ARHGAP10: variants seen among roughly 807,000 people sequenced by gnomAD.
ARHGAP10 encodes the protein rho GTPase-activating protein 10.
Under a neutral mutation model 108.6 loss-of-function variants are expected in ARHGAP10, and 87 were observed. The observed-to-expected ratio is 0.80, with a 90% CI of 0.67 to 0.96. ARHGAP10 has a LOEUF of 0.96. Among genes scored for constraint, ARHGAP10 ranks in the 40% least tolerant of loss-of-function variants. The pLI is 0.00. For missense variants in ARHGAP10, 939 were observed against 954.5 expected, an observed-to-expected ratio of 0.98 and a Z score of 0.21; for synonymous variants, 347 against 341.1, an observed-to-expected ratio of 1.02 and a Z score of -0.19.
intron 10 of ARHGAP10, among the ~76,000 whole-genome samples, chr4:147,899,308 GGTGTGTGTGTGTGTGCATGC>G (rs908143874): frequency 1.5e-4 from 22 of 150,796 alleles, no homozygotes; most frequent in Non-Finnish European, 2.7e-4. Context: ...AAGCAGCTGG[GGTGTGTGTGTGTGTGCATGC>G]GTGTGTGTGT....
chr4:148,001,984 CTT>C (rs1740741042), intron 18 of ARHGAP10, among the ~76,000 whole-genome samples: 1 of 152,156 alleles, frequency 6.6e-6, no homozygotes, highest in Non-Finnish European at 1.5e-5. Flanking sequence ...GCATCCCTGT[CTT>C]GTGCCAGTTT....
At chr4:147,991,040 A>G (rs1485463390) in intron 18 of ARHGAP10, among the ~76,000 whole-genome samples, 1 of 151,416 alleles carries the variant, frequency 6.6e-6, no homozygotes, top group Non-Finnish European at 1.5e-5. Context: ...AAAACTACCT[A>G]TTGTTTACTA....
At chr4:147,890,751 C>T (rs771830416) in intron 10 of ARHGAP10, among the ~76,000 whole-genome samples, 5 of 151,438 alleles carry the variant, frequency 3.3e-5, no homozygotes, top group Admixed American at 1.3e-4. Context: ...CACTTGAACC[C>T]GGGAGACGGA....
intron 18 of ARHGAP10, among the ~76,000 whole-genome samples, chr4:147,978,628 A>G (rs1445540308): frequency 6.6e-6 from 1 of 152,060 alleles, no homozygotes; most frequent in Non-Finnish European, 1.5e-5. Context: ...GCCTTCCACC[A>G]TGATTGTAAT....
intron 1 of ARHGAP10, among the ~76,000 whole-genome samples, chr4:147,817,217 G>C (rs186139555): frequency 6.6e-6 from 1 of 152,034 alleles, no homozygotes; most frequent in Non-Finnish European, 1.5e-5. Context: ...TAGTGCTTTC[G>C]TTGCTGGGGT....
chr4:147,964,980 C>A (rs1413177794), intron 16 of ARHGAP10, 44 bp from the exon 17 acceptor site: 1 of 1,366,728 alleles, frequency 7.3e-7, no homozygotes, highest in East Asian at 2.6e-5. Flanking sequence ...CTATTGTTTT[C>A]TTTTTCTTTA....
intron 1 of ARHGAP10, among the ~76,000 whole-genome samples, chr4:147,765,208 A>G (rs1176522093): frequency 1.3e-5 from 2 of 152,072 alleles, no homozygotes; most frequent in East Asian, 3.8e-4. Context: ...GTCATTTAAG[A>G]TCTATTTAGC....
intron 12 of ARHGAP10, among the ~76,000 whole-genome samples, chr4:147,912,592 T>G (rs1736800146): frequency 8.2e-6 from 1 of 121,924 alleles, no homozygotes; most frequent in Non-Finnish European, 1.7e-5. Flanking sequence ...TATATATATA[T>G]ATATATAAAA....
At chr4:147,771,510 A>G (rs1007802878) in intron 1 of ARHGAP10, among the ~76,000 whole-genome samples, 7 of 145,356 alleles carry the variant, frequency 4.8e-5, no homozygotes, top group African/African-American at 1.2e-4. Flanking sequence ...ATTTTTGACT[A>G]TAGTCACCCT....
intron 19 of ARHGAP10, among the ~76,000 whole-genome samples, chr4:148,042,080 G>T (rs1200351779): frequency 6.6e-6 from 1 of 152,028 alleles, no homozygotes; most frequent in Non-Finnish European, 1.5e-5. Flanking sequence ...ATTTTTTATT[G>T]ACACCCCAAA....
At chr4:147,860,169 G>A (rs754840666) in intron 5 of ARHGAP10, among the ~76,000 whole-genome samples, 1 of 152,192 alleles carries the variant, frequency 6.6e-6, no homozygotes, top group South Asian at 2.1e-4. Context: ...AAGGCCGGGC[G>A]TGGTGGCTCA....
intron 1 of ARHGAP10, among the ~76,000 whole-genome samples, chr4:147,776,365 A>G (rs184960125): frequency 1.4e-3 from 215 of 152,214 alleles, no homozygotes; most frequent in Admixed American, 4.0e-3. Flanking sequence ...AATTACAGGA[A>G]CGCGTCACCA....
rs1307289014 is a variant in ARHGAP10 at position 147,890,836 on chromosome 4, A to C, written c.1034+8904A>C. Among the ~76,000 whole-genome samples the C allele has an allele frequency of 9.9e-5, 15 of 152,018 alleles. No homozygotes were observed. In the East Asian group the frequency reaches 2.7e-3, roughly 27 times the overall value. On this transcript the variant is annotated intron_variant, in intron 10 of 22. Coordinates refer to ENST00000336498, the MANE Select transcript of ARHGAP10 (RefSeq NM_024605.4). ...AGCGAGACTCCATCACAAAAAAAAC[A>C]ACAAAAAAAACCACAAGTGGCCAAT...
At chr4:147,963,783 C>T (rs1484874592) in intron 16 of ARHGAP10, among the ~76,000 whole-genome samples, 1 of 152,220 alleles carries the variant, frequency 6.6e-6, no homozygotes, top group Non-Finnish European at 1.5e-5. Context: ...CCACTCACAG[C>T]TTCTGGTGGT....
At chr4:147,798,465 C>T (rs1333084352) in intron 1 of ARHGAP10, among the ~76,000 whole-genome samples, 3 of 152,022 alleles carry the variant, frequency 2.0e-5, no homozygotes, top group African/African-American at 7.3e-5. Flanking sequence ...AATCCCTGCA[C>T]TTTGGGCAGC....
intron 18 of ARHGAP10, among the ~76,000 whole-genome samples, chr4:148,022,375 C>T (rs1207530266): frequency 2.0e-5 from 3 of 152,184 alleles, no homozygotes; most frequent in East Asian, 1.9e-4. Context: ...ACCTGAGGAA[C>T]GTCAGCCCTT....
chr4:147,947,253 AAAG>A lies in ARHGAP10; in HGVS notation c.1391+552_1391+554del, dbSNP rs1336854708. Among the ~76,000 whole-genome samples, 6 of 150,450 alleles carry A rather than the reference AAAG, an allele frequency of 4.0e-5. No homozygotes were observed. In the East Asian group the frequency reaches 9.6e-4, roughly 24 times the overall value. On this transcript the variant is annotated intron_variant, in intron 15 of 22. Coordinates refer to ENST00000336498, the MANE Select transcript of ARHGAP10 (RefSeq NM_024605.4). The stretch of plus-strand genomic sequence containing the variant: ...TTTTTTTTTTTTTTTTTTTTAAAGA[AAAG>A]AACTTAATGATAAGCTCAGGGTTAG...
At chr4:148,063,332 G>A in intron 21 of ARHGAP10, 32 bp downstream of exon 21, 1 of 1,603,214 alleles carries the variant, frequency 6.2e-7, no homozygotes, top group Non-Finnish European at 8.5e-7. Context: ...GTGGAATATG[G>A]TGGCAGCACA....
At chr4:147,968,593 G>A (rs936145013) in intron 18 of ARHGAP10, among the ~76,000 whole-genome samples, 1 of 152,106 alleles carries the variant, frequency 6.6e-6, no homozygotes, top group African/African-American at 2.4e-5. Context: ...TAAGTGACTT[G>A]CTTTCTTACT....
Sources: gnomAD v4.1 joint callset for allele counts (sites outside exome capture counted in the v4.1 genomes callset) on GRCh38, gnomAD v4.1.1 for gene constraint, MANE v1.5 for transcripts, NCBI Gene and HGNC (gene_info 2026-07-23, HGNC 2026-07-21) for gene names.